Variants in RGS6 observed in about 807,000 individuals in gnomAD.
RGS6 encodes the protein regulator of G protein signaling 6, also known as regulator of G-protein signaling 6.
RGS6 carries 30 observed loss-of-function variants against 78.5 expected under a neutral mutation model. The observed-to-expected ratio is 0.38, with a 90% CI of 0.29 to 0.52. The LOEUF (loss-of-function observed/expected upper bound fraction) is 0.52. Ranked by LOEUF, RGS6 falls within the 20% of genes least tolerant of loss-of-function variation. The pLI is 0.85. For missense variants in RGS6, 495 were observed against 609.7 expected (o/e 0.81, Z 1.98); for synonymous variants, 206 against 206.0 (o/e 1.00, Z 0.00).
the RGS6 span, among the ~76,000 whole-genome samples, chr14:72,586,505 G>A: frequency 6.6e-6 from 1 of 152,130 alleles, no homozygotes; most frequent in Admixed American, 6.5e-5. Flanking sequence ...AGAACCACAG[G>A]CCAAATAAAC....
At chr14:72,425,139 G>T (rs1383495123) in intron 3 of RGS6, among the ~76,000 whole-genome samples, 1 of 152,146 alleles carries the variant, frequency 6.6e-6, no homozygotes, top group Non-Finnish European at 1.5e-5. Context: ...GGATTGGAAG[G>T]GGAAAATCTT....
At chr14:72,225,325 T>A (rs984827168) in intron 2 of RGS6, among the ~76,000 whole-genome samples, 1 of 152,172 alleles carries the variant, frequency 6.6e-6, no homozygotes, top group African/African-American at 2.4e-5. Context: ...CTGTGTTTAT[T>A]TTTTATTTTA....
chr14:72,424,408 G>T (rs1167916949), intron 3 of RGS6, among the ~76,000 whole-genome samples: 1 of 152,156 alleles, frequency 6.6e-6, no homozygotes, highest in Non-Finnish European at 1.5e-5. Context: ...CAAACTGAGG[G>T]CATTGCAGCT....
chr14:71,877,966 C>T, the RGS6 span, among the ~76,000 whole-genome samples: 1 of 152,162 alleles, frequency 6.6e-6, no homozygotes, highest in Non-Finnish European at 1.5e-5. Flanking sequence ...CGCTATTTGC[C>T]TGGGTATCAC....
intron 2 of RGS6, among the ~76,000 whole-genome samples, chr14:72,128,188 TA>T (rs2096243906): frequency 6.6e-6 from 1 of 152,218 alleles, no homozygotes; most frequent in Admixed American, 6.5e-5. Context: ...AGAGTAAGAT[TA>T]AAGAGTTAGA....
intron 3 of RGS6, among the ~76,000 whole-genome samples, chr14:72,419,131 T>C (rs950448172): frequency 6.6e-6 from 1 of 152,224 alleles, no homozygotes; most frequent in Non-Finnish European, 1.5e-5. Flanking sequence ...TATTTTGTTC[T>C]TACCATTAGA....
In RGS6 at chr14:72,018,841, A is replaced by G. The variant is rs533467076; in HGVS notation, c.84+53966A>G. ...TGAATTTATGCTTGCTTCTGGTTTT[A>G]GTTGTTGCTTTGTTTCTGGCACCTG... is the stretch of plus-strand genomic sequence containing the variant. On this transcript the variant is annotated intron_variant, in intron 2 of 17. Coordinates refer to ENST00000553525, the MANE Select transcript of RGS6 (RefSeq NM_001204424.2). Among the ~76,000 whole-genome samples, 30 of 152,216 alleles carry G rather than the reference A, an allele frequency of 2.0e-4. 1 individual carries two copies. The highest frequency in any genetic ancestry group is 7.0e-4 in the African/African-American group (29 of 41,540).
chr14:72,494,782 C>T (rs145436293), intron 12 of RGS6, among the ~76,000 whole-genome samples: 1,917 of 152,226 alleles, frequency 0.013, 23 homozygotes, highest in Non-Finnish European at 0.018. Context: ...TTTGTGTGTT[C>T]CAGATGCCTC....
chr14:71,898,501 C>CT, the RGS6 span, among the ~76,000 whole-genome samples: 23 of 152,136 alleles, frequency 1.5e-4, no homozygotes, highest in South Asian at 1.5e-3. Context: ...TGTAGGTACA[C>CT]TTTTTTTTAT....
the RGS6 span, among the ~76,000 whole-genome samples, chr14:71,914,141 TC>T: frequency 1.3e-5 from 2 of 152,208 alleles, no homozygotes; most frequent in Admixed American, 1.3e-4. Flanking sequence ...TGGTCCTCTC[TC>T]CCTGGAGGTG....
intron 2 of RGS6, among the ~76,000 whole-genome samples, chr14:72,072,359 A>T (rs1403536726): frequency 6.7e-6 from 1 of 148,398 alleles, no homozygotes; most frequent in Non-Finnish European, 1.5e-5. Context: ...GCCAGGCTGG[A>T]GTGCGGTGGC....
intron 2 of RGS6, among the ~76,000 whole-genome samples, chr14:72,185,721 G>A (rs1475085520): frequency 1.3e-5 from 2 of 152,170 alleles, no homozygotes; most frequent in Admixed American, 1.3e-4. Flanking sequence ...GAGGTGAGCG[G>A]ATTACTGAGC....
the RGS6 span, among the ~76,000 whole-genome samples, chr14:72,588,833 G>T: frequency 6.6e-6 from 1 of 152,166 alleles, no homozygotes; most frequent in African/African-American, 2.4e-5. Context: ...GTTGGCCTGG[G>T]TGAAGAAAGG....
At chr14:72,449,977 T>C (rs2095453204) in intron 3 of RGS6, among the ~76,000 whole-genome samples, 1 of 152,248 alleles carries the variant, frequency 6.6e-6, no homozygotes, top group Non-Finnish European at 1.5e-5. Context: ...CTTTCTTCTC[T>C]CTGTGCTTTT....
chr14:72,480,264 C>G (rs191709689), intron 12 of RGS6, among the ~76,000 whole-genome samples: 1 of 152,304 alleles, frequency 6.6e-6, no homozygotes, highest in Non-Finnish European at 1.5e-5. Flanking sequence ...AGAGAAAGAG[C>G]CTGAACCTGT....
intron 1 of RGS6, among the ~76,000 whole-genome samples, chr14:71,955,130 TCC>T (rs1445391673): frequency 3.9e-5 from 6 of 152,238 alleles, no homozygotes; most frequent in Non-Finnish European, 7.4e-5. Context: ...CCCCCAAGGG[TCC>T]TTGTTTTTGT....
At position 72,474,609 on chromosome 14, in the gene RGS6, G is replaced by GTT. The variant is rs765360949; in HGVS notation, c.619-7_619-6dup. 28 of 1,413,736 alleles carry GTT rather than the reference G, an allele frequency of 2.0e-5. No individual in the cohort carries two copies. Among genetic ancestry groups the GTT allele is most frequent in the Admixed American group, 9.7e-5 (5 of 51,542 alleles). The allele number at this position is 1,413,736 out of a possible 1,614,324, so 87.6% of individuals were successfully genotyped here. On this transcript the variant is annotated splice_polypyrimidine_tract_variant and intron_variant, in intron 9 of 17. Transcript: ENST00000553525. ...TTTCACGTAGTAATTTATATGATGT[G>GTT]TTTTTTTTTTCTCAGCCAGGCTGTG...
At chr14:72,529,748 C>T (rs2097159893) in intron 15 of RGS6, among the ~76,000 whole-genome samples, 1 of 152,190 alleles carries the variant, frequency 6.6e-6, no homozygotes, top group Non-Finnish European at 1.5e-5. Context: ...TGAGAGACCA[C>T]CATTCCCCAC....
intron 2 of RGS6, among the ~76,000 whole-genome samples, chr14:72,078,968 T>C (rs2094703929): frequency 6.6e-6 from 1 of 152,242 alleles, no homozygotes; most frequent in South Asian, 2.1e-4. Context: ...ACCCTATTAA[T>C]TTGTTAACTC....
Sources: gnomAD v4.1 joint callset for allele counts (sites outside exome capture counted in the v4.1 genomes callset) on GRCh38, gnomAD v4.1.1 for gene constraint, MANE v1.5 for transcripts, NCBI Gene and HGNC (gene_info 2026-07-23, HGNC 2026-07-21) for gene names.